MAST4: variants seen among roughly 807,000 people sequenced by gnomAD.
The protein encoded by MAST4 is microtubule-associated serine/threonine-protein kinase 4.
MAST4 carries 89 observed loss-of-function variants against 162.7 expected under a neutral mutation model. The ratio of observed to expected loss-of-function variants is 0.55; its 90% CI spans 0.46 to 0.65. The LOEUF is 0.65. Ranked by LOEUF, MAST4 falls within the 30% of genes least tolerant of loss-of-function variation. The pLI is 0.00. For missense variants in MAST4, 3,153 were observed against 3,374.0 expected (o/e 0.93, Z 1.62); for synonymous variants, 1,479 against 1,361.1 (o/e 1.09, Z -1.91).
chr5:66,744,640 T>C (rs74387043), intron 1 of MAST4, among the ~76,000 whole-genome samples: 2,602 of 152,272 alleles, frequency 0.017, 39 homozygotes, highest in South Asian at 0.05. Flanking sequence ...ATGTCTTACA[T>C]GGCAGGAACA....
At chr5:66,609,547 G>T (rs138035553) in intron 1 of MAST4, among the ~76,000 whole-genome samples, 1 of 150,540 alleles carries the variant, frequency 6.6e-6, no homozygotes, top group South Asian at 2.1e-4. Flanking sequence ...ATACTACCAC[G>T]GCCAGCTAAT....
At chr5:66,783,440 A>C (rs1170182721) in intron 2 of MAST4, 1 of 152,246 alleles carries the variant, frequency 6.6e-6, no homozygotes, top group Non-Finnish European at 1.5e-5. Context: ...TTAGAATAGG[A>C]ACTCAGCAGT....
rs191622393 is a variant in MAST4, at chr5:66,733,318, C to A, written c.364-26391C>A. On this transcript the variant is annotated intron_variant, in intron 1 of 28. Transcript: ENST00000403625. Reference sequence around the variant, plus strand: ...CTCCGTTTCCCCTCCCTCTTCCCCCCACCACACACATGCACAGAGTTTTCT... The same window carrying A: ...CTCCGTTTCCCCTCCCTCTTCCCCCAACCACACACATGCACAGAGTTTTCT... Among the ~76,000 whole-genome samples the A allele has an allele frequency of 6.7e-5, 10 of 148,304 alleles. No individual in the cohort carries two copies. The East Asian group carries it at 2.2e-3, about 32-fold the overall frequency.
chr5:66,680,897 A>G (rs189825082), intron 1 of MAST4, among the ~76,000 whole-genome samples: 1 of 152,318 alleles, frequency 6.6e-6, no homozygotes, highest in African/African-American at 2.4e-5. Context: ...GACATGCCCA[A>G]GGGCTTGGGC....
chr5:67,090,365 A>C (rs1238731858), intron 6 of MAST4, 134 bp downstream of exon 6: 19 of 297,584 alleles, frequency 6.4e-5, no homozygotes, highest in East Asian at 1.4e-4. Flanking sequence ...CCTTCCCCCC[A>C]CTTCCCCTTC....
intron 2 of MAST4, among the ~76,000 whole-genome samples, chr5:66,766,378 G>C (rs946296159): frequency 6.6e-6 from 1 of 152,160 alleles, no homozygotes; most frequent in Non-Finnish European, 1.5e-5. Flanking sequence ...CAGCTTTGCA[G>C]ACAATATAAA....
At chr5:66,780,042 T>C (rs559120993) in intron 2 of MAST4, among the ~76,000 whole-genome samples, 2 of 152,246 alleles carry the variant, frequency 1.3e-5, no homozygotes, top group South Asian at 4.1e-4. Flanking sequence ...AAGCAAGGGA[T>C]TGGGGGGCAG....
chr5:67,112,715 G>A (rs189861906), intron 11 of MAST4, among the ~76,000 whole-genome samples: 4 of 152,256 alleles, frequency 2.6e-5, no homozygotes, highest in East Asian at 1.9e-4. Flanking sequence ...AACTCCACAC[G>A]TTCAGCTATC....
chr5:67,070,714 G>C (rs1760852604), intron 5 of MAST4, among the ~76,000 whole-genome samples: 1 of 152,178 alleles, frequency 6.6e-6, no homozygotes, highest in Admixed American at 6.5e-5. Context: ...GCTGTTACCT[G>C]TGTCAACAGA....
At chr5:66,680,734 G>A (rs1292848509) in intron 1 of MAST4, among the ~76,000 whole-genome samples, 1 of 152,128 alleles carries the variant, frequency 6.6e-6, no homozygotes, top group Non-Finnish European at 1.5e-5. Context: ...TCTTTGTGGT[G>A]TCACCCCCCA....
At chr5:66,924,564 C>G (rs544173513) in intron 4 of MAST4, among the ~76,000 whole-genome samples, 56 of 152,054 alleles carry the variant, frequency 3.7e-4, no homozygotes, top group Non-Finnish European at 7.9e-4. Flanking sequence ...CACCACCGCG[C>G]CCGGCTAATT....
At chr5:66,829,566 T>C (rs1449236376) in intron 3 of MAST4, among the ~76,000 whole-genome samples, 1 of 152,154 alleles carries the variant, frequency 6.6e-6, no homozygotes, top group South Asian at 2.1e-4. Flanking sequence ...GTTTATAAGT[T>C]TAAGGAAGCC....
At chr5:67,024,334 T>C (rs200034755) in intron 4 of MAST4, among the ~76,000 whole-genome samples, 14 of 133,292 alleles carry the variant, frequency 1.1e-4, no homozygotes, top group Non-Finnish European at 1.7e-4. Flanking sequence ...TCTATATATA[T>C]ATACACACAC....
intron 2 of MAST4, among the ~76,000 whole-genome samples, chr5:66,778,990 T>C (rs1240178823): frequency 4.6e-5 from 7 of 152,246 alleles, no homozygotes; most frequent in African/African-American, 2.4e-5. Context: ...GAAAAACTTC[T>C]GATACCTGTC....
At chr5:66,725,818 T>C (rs1339651314) in intron 1 of MAST4, among the ~76,000 whole-genome samples, 1 of 152,210 alleles carries the variant, frequency 6.6e-6, no homozygotes, top group East Asian at 1.9e-4. Flanking sequence ...CACTATGATA[T>C]GTGCCAGGGA....
At chr5:67,101,906 A>G (rs1277470054) in intron 8 of MAST4, among the ~76,000 whole-genome samples, 1 of 151,786 alleles carries the variant, frequency 6.6e-6, no homozygotes, top group African/African-American at 2.4e-5. Context: ...ACAACTATAT[A>G]TCACTAGGAA....
At chr5:66,991,347 T>A (rs908853101) in intron 4 of MAST4, among the ~76,000 whole-genome samples, 7 of 152,236 alleles carry the variant, frequency 4.6e-5, no homozygotes, top group African/African-American at 1.4e-4. Context: ...ACATGTTATA[T>A]GATGGGCATA....
chr5:66,596,869 AC>A lies in MAST4; in HGVS notation c.217del (p.Leu73TrpfsTer77). 3 of 1,210,876 alleles carry A rather than the reference AC, an allele frequency of 2.5e-6. No homozygotes were observed. Among genetic ancestry groups the A allele is most frequent in the Non-Finnish European group, 3.1e-6 (3 of 971,978 alleles). 75.0% of individuals were successfully genotyped at this position (1,210,876 alleles called of 1,614,324 possible). ...QPPPPPPLGG[T>X]LGARAPAAWA... ...GCCGCCGCCGCCGCCGTTGGGAGGC[AC>A]CCTGGGCGCCCGGGCGCCCGCCGCG... is the stretch of plus-strand genomic sequence containing the variant. On this transcript the variant is annotated frameshift_variant, in exon 1 of 29. Transcript: ENST00000403625. LOFTEE classifies it high-confidence loss of function.
intron 27 of MAST4, 112 bp downstream of exon 27, chr5:67,160,704 T>TTCTGTGAGAAA: frequency 8.4e-7 from 1 of 1,193,364 alleles, no homozygotes. Flanking sequence ...GTGAGAAATT[T>TTCTGTGAGAAA]TATGTTATGG....
Sources: gnomAD v4.1 joint callset for allele counts (sites outside exome capture counted in the v4.1 genomes callset) on GRCh38, gnomAD v4.1.1 for gene constraint, MANE v1.5 for transcripts, NCBI Gene and HGNC (gene_info 2026-07-23, HGNC 2026-07-21) for gene names.